Variants in PIK3C2G observed in about 807,000 individuals in gnomAD.
PIK3C2G encodes phosphatidylinositol-4-phosphate 3-kinase catalytic subunit type 2 gamma.
PIK3C2G carries 168 observed loss-of-function variants against 181.1 expected under a neutral mutation model. The observed-to-expected ratio is 0.93, with a 90% CI of 0.82 to 1.05. The LOEUF (loss-of-function observed/expected upper bound fraction) is 1.05. Ranked by LOEUF, PIK3C2G falls within the 50% of genes least tolerant of loss-of-function variation. The pLI, the probability that PIK3C2G is intolerant of heterozygous loss-of-function variation, is 0.00. For missense variants in PIK3C2G, 1,869 were observed against 1,732.8 expected (o/e 1.08, Z -1.40); for synonymous variants, 573 against 592.2 (o/e 0.97, Z 0.47).
rs149045358 is a variant in PIK3C2G, at chr12:18,320,554, A to G, written c.1138-408A>G. On this transcript the variant is annotated intron_variant, in intron 6 of 32. Transcript: ENST00000538779. ...GTGAAGCTGAAAAATGAAGGAGTTG[A>G]TTATGTGTCTGCCCGCCCATCTGGC... Among the ~76,000 whole-genome samples, 11 of 152,344 alleles carry G rather than the reference A, an allele frequency of 7.2e-5. No homozygotes were observed. The East Asian group carries it at 2.1e-3, about 29-fold the overall frequency.
At chr12:18,677,124 G>A in the PIK3C2G span, among the ~76,000 whole-genome samples, 70 of 152,188 alleles carry the variant, frequency 4.6e-4, no homozygotes, top group African/African-American at 1.6e-3. Flanking sequence ...TAGAAAAGGG[G>A]AGTCTGTATC....
intron 1 of PIK3C2G, among the ~76,000 whole-genome samples, chr12:18,279,739 G>C (rs184147012): frequency 6.6e-6 from 1 of 151,964 alleles, no homozygotes; most frequent in Admixed American, 6.6e-5. Context: ...CCTGAAAAGG[G>C]CATTTCAGGT....
In PIK3C2G at chr12:18,568,400, GTGTGTGTGTGTGTC is replaced by G. The variant is rs200339858; in HGVS notation, c.4011+1356_4011+1369del. Among the ~76,000 whole-genome samples, 395 of 152,018 alleles carry G rather than the reference GTGTGTGTGTGTGTC, an allele frequency of 2.6e-3. 4 individuals carry two copies. In the East Asian group the frequency reaches 0.026, roughly 10 times the overall value. ...CCAACAAAATTGTGTGTGTGTGTGT[GTGTGTGTGTGTGTC>G]TGTGTGTGTGTGAGACAGAGAGAGA... On this transcript the variant is annotated intron_variant, in intron 29 of 32. Coordinates refer to ENST00000538779, the MANE Select transcript of PIK3C2G (RefSeq NM_001288772.2).
chr12:18,248,639 T>C, intron 1 of PIK3C2G, among the ~76,000 whole-genome samples: 1 of 152,102 alleles, frequency 6.6e-6, no homozygotes, highest in East Asian at 1.9e-4. Flanking sequence ...TTTTTATACG[T>C]TTCTATTACT....
chr12:18,362,155 A>T (rs1373714404), intron 11 of PIK3C2G, among the ~76,000 whole-genome samples: 1 of 152,130 alleles, frequency 6.6e-6, no homozygotes, highest in Non-Finnish European at 1.5e-5. Context: ...TTTTTAAAAA[A>T]ATCATTCTAT....
intron 9 of PIK3C2G, among the ~76,000 whole-genome samples, chr12:18,340,903 T>C (rs997071741): frequency 1.3e-5 from 2 of 152,030 alleles, no homozygotes; most frequent in Non-Finnish European, 2.9e-5. Flanking sequence ...AAGGCTTTAA[T>C]TCACACAAGC....
chr12:18,633,266 T>C (rs181270403), intron 31 of PIK3C2G, among the ~76,000 whole-genome samples: 144 of 152,224 alleles, frequency 9.5e-4, no homozygotes, highest in Non-Finnish European at 1.9e-3. Context: ...GTAACAAATA[T>C]ATACATAAAC....
intron 1 of PIK3C2G, among the ~76,000 whole-genome samples, chr12:18,275,800 T>C (rs1948962150): frequency 6.6e-6 from 1 of 152,240 alleles, no homozygotes; most frequent in Non-Finnish European, 1.5e-5. Flanking sequence ...TTCTCAAATC[T>C]GTCAGAAAAA....
At chr12:18,701,057 T>C in the PIK3C2G span, among the ~76,000 whole-genome samples, 1 of 151,936 alleles carries the variant, frequency 6.6e-6, no homozygotes, top group Non-Finnish European at 1.5e-5. Context: ...CGATCTCGGC[T>C]CACTGCAACA....
At chr12:18,536,867 G>A (rs144489017) in intron 24 of PIK3C2G, among the ~76,000 whole-genome samples, 4 of 152,038 alleles carry the variant, frequency 2.6e-5, no homozygotes, top group Non-Finnish European at 5.9e-5. Flanking sequence ...GACATAGTCC[G>A]CAGTGTATGT....
intron 18 of PIK3C2G, among the ~76,000 whole-genome samples, chr12:18,478,415 G>A (rs550254902): frequency 2.4e-4 from 36 of 152,140 alleles, no homozygotes; most frequent in African/African-American, 7.0e-4. Context: ...TCTTAGGTTC[G>A]CAAATGCAAT....
intron 13 of PIK3C2G, among the ~76,000 whole-genome samples, chr12:18,377,985 T>G (rs1942571506): frequency 6.6e-6 from 1 of 152,176 alleles, no homozygotes; most frequent in Admixed American, 6.5e-5. Flanking sequence ...GCCTCCCAAG[T>G]AGCTGGGATA....
intron 16 of PIK3C2G, among the ~76,000 whole-genome samples, chr12:18,409,697 A>G (rs1206179304): frequency 6.6e-6 from 1 of 152,154 alleles, no homozygotes; most frequent in Non-Finnish European, 1.5e-5. Flanking sequence ...GGCAGAATTG[A>G]ATGGAGAGGG....
At chr12:18,496,459 T>C (rs1941022324) in intron 21 of PIK3C2G, among the ~76,000 whole-genome samples, 2 of 152,194 alleles carry the variant, frequency 1.3e-5, no homozygotes, top group Non-Finnish European at 1.5e-5. Flanking sequence ...GAGGAAAGTT[T>C]TATTTTGGTC....
chr12:18,400,293 G>T (rs1456020590), intron 16 of PIK3C2G, among the ~76,000 whole-genome samples: 1 of 152,150 alleles, frequency 6.6e-6, no homozygotes, highest in Non-Finnish European at 1.5e-5. Flanking sequence ...TCTATTCCTT[G>T]CATGTCCTTG....
At chr12:18,648,809 T>C (rs1950293600), downstream of PIK3C2G, among the ~76,000 whole-genome samples, 1 of 152,166 alleles carries the variant, frequency 6.6e-6, no homozygotes, top group Non-Finnish European at 1.5e-5. Flanking sequence ...CCCACAGATT[T>C]CCACCTGCAC....
chr12:18,402,806 A>C (rs1944324199), intron 16 of PIK3C2G, among the ~76,000 whole-genome samples: 1 of 152,170 alleles, frequency 6.6e-6, no homozygotes, highest in Non-Finnish European at 1.5e-5. Flanking sequence ...ACAGATCTTC[A>C]AAATCTGTTT....
At chr12:18,624,251 A>G (rs1008466769) in intron 31 of PIK3C2G, among the ~76,000 whole-genome samples, 6 of 151,732 alleles carry the variant, frequency 4.0e-5, no homozygotes, top group Admixed American at 3.9e-4. Context: ...AAGAATGTTG[A>G]ATTTAATTAA....
intron 30 of PIK3C2G, 68 bp downstream of exon 30, chr12:18,594,637 C>A: frequency 1.2e-6 from 1 of 818,436 alleles, no homozygotes; most frequent in Non-Finnish European, 1.9e-6. Context: ...GATATCACAA[C>A]TAATTTTTTT....
Sources: gnomAD v4.1 joint callset for allele counts (sites outside exome capture counted in the v4.1 genomes callset) on GRCh38, gnomAD v4.1.1 for gene constraint, MANE v1.5 for transcripts, NCBI Gene and HGNC (gene_info 2026-07-23, HGNC 2026-07-21) for gene names.